The following PLSCR2 variants were observed in gnomAD, a reference collection of about 807,000 sequenced individuals.
PLSCR2 encodes PL scramblase 2.
A neutral mutation model predicts 25.3 loss-of-function variants in PLSCR2; 18 were observed. That is an observed-to-expected ratio of 0.71 (90% CI 0.49 to 1.06). PLSCR2 has a LOEUF of 1.06. Among genes scored for constraint, PLSCR2 ranks in the 50% least tolerant of loss-of-function variants. The probability of loss-of-function intolerance (pLI) is 0.00; values close to 1 mark genes in which losing one functional copy is unlikely to be tolerated. For missense variants in PLSCR2, 243 were observed against 269.5 expected (o/e 0.90, Z 0.69); for synonymous variants, 88 against 87.3 (o/e 1.01, Z -0.04).
chr3:146,489,600 T>C (rs2043470294), intron 1 of PLSCR2, among the ~76,000 whole-genome samples: 1 of 152,160 alleles, frequency 6.6e-6, no homozygotes, highest in Non-Finnish European at 1.5e-5. Context: ...AACAGTAGTT[T>C]AAAGGAATAC....
intron 2 of PLSCR2, among the ~76,000 whole-genome samples, chr3:146,402,693 C>T (rs2038519934): frequency 6.6e-6 from 1 of 152,126 alleles, no homozygotes; most frequent in Admixed American, 6.5e-5. Flanking sequence ...TGGTCTTGAA[C>T]TCCTGACCTA....
At chr3:146,472,530 C>A (rs975727176) in intron 1 of PLSCR2, among the ~76,000 whole-genome samples, 3 of 152,186 alleles carry the variant, frequency 2.0e-5, no homozygotes, top group Admixed American at 2.0e-4. Flanking sequence ...GGCCTACATT[C>A]TAACACATAC....
At chr3:146,407,379 C>T (rs757330922) in intron 2 of PLSCR2, among the ~76,000 whole-genome samples, 5 of 151,890 alleles carry the variant, frequency 3.3e-5, no homozygotes, top group Non-Finnish European at 5.9e-5. Context: ...TCAGTCTATC[C>T]GGAGAAGATG....
intron 1 of PLSCR2, among the ~76,000 whole-genome samples, chr3:146,476,427 A>AGG (rs948473754): frequency 6.6e-6 from 1 of 152,212 alleles, no homozygotes; most frequent in Non-Finnish European, 1.5e-5. Flanking sequence ...CCATGCTACC[A>AGG]GGGCCTTGGG....
Position 146,423,273 on chromosome 3 carries a change from CTCTCTCTCT to C in PLSCR2, c.101-27361_101-27353del, listed in dbSNP as rs1559981692. ...TCTCTCTCTCTCTCTCTCTCTCTCT[CTCTCTCTCT>C]CCCTGGCTAGATTCTCACAAGAAAC... On this transcript the variant is annotated intron_variant and NMD_transcript_variant, in intron 2 of 3. Transcript: ENST00000463633. Among the ~76,000 whole-genome samples, 63 of 139,706 alleles carry C rather than the reference CTCTCTCTCT, an allele frequency of 4.5e-4. 1 individual carries two copies. Among genetic ancestry groups the C allele is most frequent in the African/African-American group, 1.2e-3 (42 of 34,384 alleles). 91.7% of individuals were successfully genotyped at this position (139,706 alleles called of 152,430 possible). A position where few individuals can be genotyped will look rare whatever the true frequency, so the allele number is the denominator to read the frequency against.
rs544387328 is a variant in PLSCR2, at chr3:146,478,263, T to C, written c.-293+17632A>G. ...TTTGACGAGATGACAGAAATAGGCT[T>C]CAGAAGGTCAGTAATAACAAACTTC... On this transcript the variant is annotated intron_variant, in intron 1 of 8. Transcript: ENST00000336685. Among the ~76,000 whole-genome samples the C allele has an allele frequency of 2.0e-5, 3 of 152,272 alleles. No individual in the cohort carries two copies. The South Asian group carries it at 6.2e-4, about 32-fold the overall frequency.
At chr3:146,477,872 G>A (rs1237865784) in intron 1 of PLSCR2, among the ~76,000 whole-genome samples, 6 of 152,166 alleles carry the variant, frequency 3.9e-5, no homozygotes, top group Admixed American at 1.3e-4. Flanking sequence ...GCCCCTCTGG[G>A]ATGAAGCTTC....
At chr3:146,404,630 T>G (rs2038588963) in intron 2 of PLSCR2, among the ~76,000 whole-genome samples, 1 of 152,128 alleles carries the variant, frequency 6.6e-6, no homozygotes, top group Non-Finnish European at 1.5e-5. Context: ...AGCATCAACT[T>G]AAAAGGTCAA....
chr3:146,437,720 C>T (rs2039967088), downstream of PLSCR2, among the ~76,000 whole-genome samples: 1 of 152,000 alleles, frequency 6.6e-6, no homozygotes. Context: ...TTTCAAAAAT[C>T]CACCTCCTGG....
upstream of PLSCR2, among the ~76,000 whole-genome samples, chr3:146,461,005 CAG>C (rs1230378805): frequency 1.3e-5 from 2 of 152,122 alleles, no homozygotes; most frequent in South Asian, 2.1e-4. Flanking sequence ...AAAAAATCAA[CAG>C]AGTTTGAGGA....
At chr3:146,405,938 T>G (rs142679669) in intron 2 of PLSCR2, among the ~76,000 whole-genome samples, 120 of 152,266 alleles carry the variant, frequency 7.9e-4, no homozygotes, top group African/African-American at 2.8e-3. Context: ...GGAACATAGG[T>G]TCACCTAGAT....
downstream of PLSCR2, among the ~76,000 whole-genome samples, chr3:146,437,164 T>C (rs1273125255): frequency 6.6e-6 from 1 of 152,174 alleles, no homozygotes; most frequent in African/African-American, 2.4e-5. Context: ...GATGTGCTGC[T>C]GGATTTGGTT....
At chr3:146,417,253 C>T (rs1159639808) in intron 2 of PLSCR2, among the ~76,000 whole-genome samples, 1 of 152,074 alleles carries the variant, frequency 6.6e-6, no homozygotes, top group Admixed American at 6.6e-5. Flanking sequence ...ACAGTGCCTA[C>T]AAATACATTG....
chr3:146,453,904 T>C, intron 5 of PLSCR2, 98 bp downstream of exon 5: 1 of 925,330 alleles, frequency 1.1e-6, no homozygotes, highest in Non-Finnish European at 1.6e-6. Context: ...TATTGAGACA[T>C]CAGTACACAA....
At chr3:146,469,621 G>A in intron 1 of PLSCR2, 60 bp from the exon 1 acceptor site, 1 of 953,616 alleles carries the variant, frequency 1.0e-6, no homozygotes, top group Non-Finnish European at 1.2e-6. Flanking sequence ...CGGAAAAGGG[G>A]CCTGGACCAG....
chr3:146,472,983 C>T (rs1329123238), intron 1 of PLSCR2, among the ~76,000 whole-genome samples: 1 of 152,192 alleles, frequency 6.6e-6, no homozygotes, highest in East Asian at 1.9e-4. Flanking sequence ...TCTTCCTCTC[C>T]TTATAAGGAC....
intron 2 of PLSCR2, among the ~76,000 whole-genome samples, chr3:146,424,131 T>TAA (rs1212332125): frequency 8.8e-5 from 8 of 91,328 alleles, no homozygotes; most frequent in Non-Finnish European, 1.7e-4. Flanking sequence ...TTTAAAGTAT[T>TAA]TAAAAAAAAA....
downstream of PLSCR2, among the ~76,000 whole-genome samples, chr3:146,430,962 A>G (rs1224504151): frequency 6.6e-6 from 1 of 152,094 alleles, no homozygotes; most frequent in Admixed American, 6.5e-5. Context: ...CTGACCTTCC[A>G]TGCACTGTTA....
intron 3 of PLSCR2, among the ~76,000 whole-genome samples, chr3:146,456,929 A>G (rs2041253330): frequency 6.6e-6 from 1 of 152,096 alleles, no homozygotes; most frequent in Non-Finnish European, 1.5e-5. Flanking sequence ...ATATAAATAT[A>G]ATGTTGTATA....
Sources: allele counts gnomAD v4.1 joint callset (sites outside exome capture counted in the v4.1 genomes callset), GRCh38; gene constraint gnomAD v4.1.1; transcripts MANE v1.5; gene names NCBI Gene and HGNC (gene_info 2026-07-23, HGNC 2026-07-21).